Variants in EBF1 observed in about 807,000 individuals in gnomAD.
EBF1 encodes the protein transcription factor COE1.
In EBF1, 10 loss-of-function variants were observed where a neutral mutation model predicts 68.4. The ratio of observed to expected loss-of-function variants is 0.15; its 90% confidence interval spans 0.09 to 0.25. The LOEUF (loss-of-function observed/expected upper bound fraction) is 0.25, where lower values mean the gene tolerates loss of function less well. Ranked by LOEUF, EBF1 falls within the 10% of genes least tolerant of loss-of-function variation. The probability of loss-of-function intolerance (pLI) is 1.00; values close to 1 mark genes in which losing one functional copy is unlikely to be tolerated. For synonymous variants in EBF1, 298 were observed against 299.8 expected, an observed-to-expected ratio of 0.99 and a Z score of 0.06; for missense variants, 509 against 794.4, an observed-to-expected ratio of 0.64 and a Z score of 4.32.
chr5:158,729,425 T>C (rs1763628149), intron 11 of EBF1, among the ~76,000 whole-genome samples: 1 of 152,190 alleles, frequency 6.6e-6, no homozygotes, highest in South Asian at 2.1e-4. Flanking sequence ...CCCCTGCCTT[T>C]GTTCTAGCAC....
At chr5:158,709,634 T>C (rs1281617778) in intron 14 of EBF1, among the ~76,000 whole-genome samples, 1 of 152,220 alleles carries the variant, frequency 6.6e-6, no homozygotes, top group Non-Finnish European at 1.5e-5. Flanking sequence ...TCCAAGGCAC[T>C]ACCCAATCCA....
chr5:158,837,637 A>T (rs1027158985), intron 7 of EBF1, among the ~76,000 whole-genome samples: 1 of 152,214 alleles, frequency 6.6e-6, no homozygotes, highest in African/African-American at 2.4e-5. Context: ...CAAAAATAAT[A>T]GACTAAATTG....
At chr5:158,737,688 A>G (rs1258452803) in intron 10 of EBF1, among the ~76,000 whole-genome samples, 1 of 152,122 alleles carries the variant, frequency 6.6e-6, no homozygotes, top group African/African-American at 2.4e-5. Flanking sequence ...CACAGGCACA[A>G]TCAGAGGTAT....
chr5:159,082,393 A>G (rs1779900788), intron 5 of EBF1, among the ~76,000 whole-genome samples: 1 of 152,220 alleles, frequency 6.6e-6, no homozygotes, highest in African/African-American at 2.4e-5. Context: ...AAGAAATTTC[A>G]TCTTGGGGAG....
chr5:158,714,027 T>C, intron 12 of EBF1, 90 bp downstream of exon 12: 2 of 1,368,092 alleles, frequency 1.5e-6, no homozygotes, highest in South Asian at 2.4e-5. Context: ...ATGGCTTTTA[T>C]ATTGTTTGTG....
chr5:158,741,789 G>A (rs1490561383), intron 10 of EBF1, among the ~76,000 whole-genome samples: 1 of 152,144 alleles, frequency 6.6e-6, no homozygotes, highest in African/African-American at 2.4e-5. Flanking sequence ...TAAATGCTAA[G>A]TGCCACAATG....
At chr5:158,880,265 G>A (rs764483831) in intron 6 of EBF1, among the ~76,000 whole-genome samples, 10 of 152,100 alleles carry the variant, frequency 6.6e-5, no homozygotes, top group Non-Finnish European at 1.0e-4. Flanking sequence ...TCCACCATCC[G>A]TGACTTGCTC....
intron 5 of EBF1, among the ~76,000 whole-genome samples, chr5:159,078,684 T>A (rs1779230092): frequency 1.3e-5 from 2 of 152,156 alleles, no homozygotes; most frequent in South Asian, 4.1e-4. Context: ...GCAACCCCAG[T>A]GACATGAGAA....
At chr5:158,805,505 C>T (rs897200360) in intron 8 of EBF1, among the ~76,000 whole-genome samples, 4 of 152,020 alleles carry the variant, frequency 2.6e-5, no homozygotes, top group Non-Finnish European at 5.9e-5. Context: ...CCAAATTCAG[C>T]AATAAAAACA....
rs187772018 is a variant in EBF1 at position 158,714,437 on chromosome 5, T to C, written c.1126-255A>G. On this transcript the variant is annotated intron_variant, in intron 11 of 15. Coordinates refer to ENST00000313708, the MANE Select transcript of EBF1 (RefSeq NM_024007.5). Reference sequence around the variant, plus strand: ...ACTCAATAGTCTGCCATAGGCATGATAAAGCACTCATATGTTTATTGCTGA... The same window carrying C: ...ACTCAATAGTCTGCCATAGGCATGACAAAGCACTCATATGTTTATTGCTGA... Among the ~76,000 whole-genome samples the C allele has an allele frequency of 2.9e-3, 437 of 152,340 alleles. 2 individuals are homozygous for C. Among genetic ancestry groups the C allele is most frequent in the African/African-American group, 9.9e-3 (412 of 41,582 alleles).
chr5:158,722,053 C>G (rs542790284), intron 11 of EBF1, among the ~76,000 whole-genome samples: 1 of 152,222 alleles, frequency 6.6e-6, no homozygotes, highest in Non-Finnish European at 1.5e-5. Flanking sequence ...AGGTACAGAG[C>G]TGAACTTGGT....
intron 4 of EBF1, among the ~76,000 whole-genome samples, chr5:159,094,139 G>A (rs1162633242): frequency 1.1e-5 from 1 of 93,046 alleles, no homozygotes; most frequent in African/African-American, 4.8e-5. Flanking sequence ...TTAAAAATCA[G>A]GCTTTTGTGT....
intron 6 of EBF1, chr5:158,941,244 G>A (rs1042405106): frequency 4.4e-6 from 2 of 455,848 alleles, no homozygotes; most frequent in African/African-American, 4.0e-5. Context: ...TAATGTGAGG[G>A]GTTAGACCCA....
intron 6 of EBF1, among the ~76,000 whole-genome samples, chr5:159,064,899 C>CTTTTTTTTTTTTTTT (rs57256923): frequency 1.9e-4 from 13 of 67,940 alleles, no homozygotes; most frequent in Non-Finnish European, 2.5e-4. Context: ...CTCTTTTCAT[C>CTTTTTTTTTTTTTTT]TTTTTTTTTT....
intron 8 of EBF1, among the ~76,000 whole-genome samples, chr5:158,810,308 G>A (rs998882965): frequency 2.3e-4 from 35 of 152,306 alleles, no homozygotes; most frequent in African/African-American, 7.9e-4. Flanking sequence ...CTCAGTATCT[G>A]TTGGCTTCTC....
intron 10 of EBF1, among the ~76,000 whole-genome samples, chr5:158,777,194 TA>T (rs1198471987): frequency 1.3e-5 from 2 of 152,186 alleles, no homozygotes; most frequent in Non-Finnish European, 2.9e-5. Flanking sequence ...TCCAACCAGT[TA>T]TTTCAACAGA....
intron 6 of EBF1, among the ~76,000 whole-genome samples, chr5:159,028,116 C>T (rs1768056921): frequency 6.6e-6 from 1 of 152,124 alleles, no homozygotes. Context: ...TGAACAATCC[C>T]AGCAGGCTCT....
intron 10 of EBF1, among the ~76,000 whole-genome samples, chr5:158,769,738 GGA>G (rs1042351680): frequency 6.6e-6 from 1 of 150,502 alleles, no homozygotes; most frequent in Non-Finnish European, 1.5e-5. Context: ...AAAAAAAAAA[GGA>G]GAGGCTTGGG....
At chr5:159,026,956 A>G (rs1767822180) in intron 6 of EBF1, among the ~76,000 whole-genome samples, 1 of 152,126 alleles carries the variant, frequency 6.6e-6, no homozygotes, top group Admixed American at 6.5e-5. Context: ...AGGAGATACA[A>G]TCTATTTCAT....
Sources: gnomAD v4.1 joint callset for allele counts (sites outside exome capture counted in the v4.1 genomes callset) on GRCh38, gnomAD v4.1.1 for gene constraint, MANE v1.5 for transcripts, NCBI Gene and HGNC (gene_info 2026-07-23, HGNC 2026-07-21) for gene names.